Variants in SPATS2 observed in about 807,000 individuals in gnomAD.
The protein encoded by SPATS2 is spermatogenesis associated serine rich 2.
SPATS2 carries 38 observed loss-of-function variants against 63.7 expected under a neutral mutation model. The ratio of observed to expected loss-of-function variants is 0.60; its 90% CI spans 0.46 to 0.78. The LOEUF is 0.78. Ranked by LOEUF, SPATS2 falls within the 30% of genes least tolerant of loss-of-function variation. The pLI is 0.00. For synonymous variants in SPATS2, 207 were observed against 232.9 expected, an observed-to-expected ratio of 0.89 and a Z score of 1.01; for missense variants, 588 against 666.2, an observed-to-expected ratio of 0.88 and a Z score of 1.29.
At chr12:49,490,766 G>A (rs370101961) in intron 6 of SPATS2, 35 bp downstream of exon 6, 18 of 1,593,514 alleles carry the variant, frequency 1.1e-5, no homozygotes, top group African/African-American at 8.1e-5. Context: ...ATGATGATGT[G>A]TATATTATTT....
intron 3 of SPATS2, among the ~76,000 whole-genome samples, chr12:49,477,452 G>C (rs1004382724): frequency 6.6e-6 from 1 of 152,174 alleles, no homozygotes; most frequent in African/African-American, 2.4e-5. Flanking sequence ...ATGAAAGGCT[G>C]TTTTCTTGCA....
At chr12:49,493,925 A>C (rs1186810561) in intron 6 of SPATS2, among the ~76,000 whole-genome samples, 1 of 152,164 alleles carries the variant, frequency 6.6e-6, no homozygotes, top group Non-Finnish European at 1.5e-5. Context: ...GTTTTTATGG[A>C]TACATAGTCA....
chr12:49,462,843 C>T, intron 3 of SPATS2: 1 of 231,398 alleles, frequency 4.3e-6, no homozygotes, highest in South Asian at 6.1e-5. Flanking sequence ...GTTCTCCTCT[C>T]TGCCAGCTGA....
At chr12:49,432,468 T>C (rs1945201934) in intron 2 of SPATS2, among the ~76,000 whole-genome samples, 1 of 152,170 alleles carries the variant, frequency 6.6e-6, no homozygotes, top group Admixed American at 6.5e-5. Flanking sequence ...TGAGACTCCG[T>C]CTCAAAATAT....
chr12:49,462,211 A>G (rs1945832466), intron 3 of SPATS2: 9 of 672,880 alleles, frequency 1.3e-5, no homozygotes, highest in Non-Finnish European at 2.2e-5. Context: ...GAAGCAGGAT[A>G]TTTCCCTGGC....
At chr12:49,446,977 G>A (rs971137754) in intron 2 of SPATS2, among the ~76,000 whole-genome samples, 2 of 150,122 alleles carry the variant, frequency 1.3e-5, no homozygotes, top group African/African-American at 4.9e-5. Flanking sequence ...CGCCCAGGCT[G>A]GGGTGCAATG....
chr12:49,489,603 T>G (rs1217478433), intron 5 of SPATS2, 30 bp downstream of exon 5: 2 of 1,568,250 alleles, frequency 1.3e-6, no homozygotes, highest in Non-Finnish European at 8.7e-7. Flanking sequence ...AAAAATAAAT[T>G]TATATTTGCT....
In SPATS2 at chr12:49,433,405, T is replaced by C. The variant is rs577533587; in HGVS notation, c.-243-27365T>C. Among the ~76,000 whole-genome samples, 5 of 152,316 alleles carry C rather than the reference T, an allele frequency of 3.3e-5. No individual in the cohort carries two copies. The East Asian group carries it at 7.7e-4, about 23-fold the overall frequency. On this transcript the variant is annotated intron_variant, in intron 2 of 13. Coordinates refer to ENST00000552918, the MANE Select transcript of SPATS2 (RefSeq NM_023071.4). ...CTCGAACTCCTGACCTCAAGTGATC[T>C]GCCGACCTCGGCCTCCCAAAGTGCT...
intron 1 of SPATS2, among the ~76,000 whole-genome samples, chr12:49,368,173 TA>T (rs1251619501): frequency 6.6e-6 from 1 of 152,220 alleles, no homozygotes; most frequent in East Asian, 1.9e-4. Context: ...ACTACAGTGA[TA>T]TTTTTCTCAT....
intron 2 of SPATS2, among the ~76,000 whole-genome samples, chr12:49,432,971 A>AT (rs1372361888): frequency 6.6e-6 from 1 of 152,108 alleles, no homozygotes; most frequent in Non-Finnish European, 1.5e-5. Context: ...TCTAATTTTA[A>AT]TTTTTTGGGA....
At chr12:49,441,688 G>C (rs531072083) in intron 2 of SPATS2, 3 of 152,188 alleles carry the variant, frequency 2.0e-5, no homozygotes, top group Non-Finnish European at 2.9e-5. Flanking sequence ...CGTATGTACC[G>C]AAAATCTAAA....
intron 2 of SPATS2, among the ~76,000 whole-genome samples, chr12:49,454,985 A>G (rs529133867): frequency 2.0e-4 from 30 of 152,124 alleles, no homozygotes; most frequent in Non-Finnish European, 3.4e-4. Context: ...ACCACCATCA[A>G]TTGCACATAA....
intron 2 of SPATS2, among the ~76,000 whole-genome samples, chr12:49,416,307 T>C (rs2137391560): frequency 6.6e-6 from 1 of 152,124 alleles, no homozygotes; most frequent in Non-Finnish European, 1.5e-5. Context: ...CTGGAGTCAT[T>C]ATCTCAGAGG....
chr12:49,462,229 C>T (rs1468474293), intron 3 of SPATS2: 5 of 693,512 alleles, frequency 7.2e-6, no homozygotes, highest in African/African-American at 7.0e-5. Flanking sequence ...GGCCCCTTTG[C>T]AGGAGTCTCT....
intron 3 of SPATS2, among the ~76,000 whole-genome samples, chr12:49,467,803 A>G (rs1945950605): frequency 6.6e-6 from 1 of 151,932 alleles, no homozygotes; most frequent in Non-Finnish European, 1.5e-5. Flanking sequence ...TCCTGGGTCT[A>G]TGCCATTCTC....
At chr12:49,375,056 A>G (rs893275338) in intron 2 of SPATS2, among the ~76,000 whole-genome samples, 10 of 150,888 alleles carry the variant, frequency 6.6e-5, no homozygotes, top group Admixed American at 5.3e-4. Flanking sequence ...TCCAAATCCT[A>G]TAATAAATAA....
chr12:49,426,936 A>G (rs2137453375), intron 2 of SPATS2, among the ~76,000 whole-genome samples: 1 of 152,330 alleles, frequency 6.6e-6, no homozygotes, highest in Non-Finnish European at 1.5e-5. Flanking sequence ...ACTTACAGAT[A>G]ATGCTGCTGT....
chr12:49,504,155 A>C (rs1217422193), intron 9 of SPATS2, among the ~76,000 whole-genome samples: 3 of 152,134 alleles, frequency 2.0e-5, no homozygotes, highest in Non-Finnish European at 4.4e-5. Flanking sequence ...TTATAGCATA[A>C]AAAAAAGGCA....
rs1362741382 is a variant in SPATS2, at chr12:49,489,567, A to G, written c.208A>G (p.Met70Val). 1 of 1,609,588 alleles carries G rather than the reference A, an allele frequency of 6.2e-7. No individual in the cohort carries two copies. The highest frequency in any genetic ancestry group is 1.7e-5 in the Admixed American group (1 of 59,312). Reference protein sequence around the residue: ...NCVDKTVQAFMEGSASEVLKE... With the variant: ...NCVDKTVQAFVEGSASEVLKE... Reference sequence around the variant, plus strand: ...TGTGGACAAAACAGTACAAGCATTCATGGAAGGTAATCCTGACTTAATTTT... The same window carrying G: ...TGTGGACAAAACAGTACAAGCATTCGTGGAAGGTAATCCTGACTTAATTTT... Residue 70 changes from methionine (M) to valine (V), a missense_variant, in exon 5 of 14, where the codon ATG becomes GTG. Transcript: ENST00000552918.
Sources: allele counts gnomAD v4.1 joint callset (sites outside exome capture counted in the v4.1 genomes callset), GRCh38; gene constraint gnomAD v4.1.1; transcripts MANE v1.5; gene names NCBI Gene and HGNC (gene_info 2026-07-23, HGNC 2026-07-21).